NBEA: variants seen among roughly 807,000 people sequenced by gnomAD.
The protein encoded by NBEA is neurobeachin.
Under a neutral mutation model 343.4 loss-of-function variants are expected in NBEA, and 44 were observed. The observed-to-expected ratio is 0.13, with a 90% CI of 0.10 to 0.16. The LOEUF (loss-of-function observed/expected upper bound fraction) is 0.16. NBEA is among the 10% of genes least tolerant of loss of function. The pLI is 1.00. For missense variants in NBEA, 2,555 were observed against 3,631.3 expected, an observed-to-expected ratio of 0.70 and a Z score of 7.62; for synonymous variants, 1,175 against 1,238.7, an observed-to-expected ratio of 0.95 and a Z score of 1.08.
intron 38 of NBEA, among the ~76,000 whole-genome samples, chr13:35,363,910 G>A (rs117470871): frequency 1.3e-5 from 2 of 151,874 alleles, no homozygotes; most frequent in African/African-American, 4.8e-5. Context: ...AAAGAATCAG[G>A]AATGTTGCTG....
intron 41 of NBEA, among the ~76,000 whole-genome samples, chr13:35,510,051 A>G (rs2077217070): frequency 6.6e-6 from 1 of 152,200 alleles, no homozygotes; most frequent in African/African-American, 2.4e-5. Context: ...ATTTTTCCTT[A>G]TAGCCACTAA....
At chr13:35,424,491 G>C (rs968995932) in intron 38 of NBEA, among the ~76,000 whole-genome samples, 6 of 152,136 alleles carry the variant, frequency 3.9e-5, no homozygotes, top group Non-Finnish European at 7.3e-5. Flanking sequence ...CTATCCCAGG[G>C]ATGAAGCGCA....
At chr13:35,453,313 T>G (rs1214398033) in intron 40 of NBEA, among the ~76,000 whole-genome samples, 6 of 152,200 alleles carry the variant, frequency 3.9e-5, no homozygotes, top group African/African-American at 1.4e-4. Flanking sequence ...TTCCTAGATA[T>G]TTCTATATTA....
chr13:35,604,529 A>G (rs2082200944), intron 47 of NBEA, among the ~76,000 whole-genome samples: 1 of 151,564 alleles, frequency 6.6e-6, no homozygotes, highest in Admixed American at 6.6e-5. Context: ...CTATACATGC[A>G]TATACACCAC....
intron 41 of NBEA, among the ~76,000 whole-genome samples, chr13:35,510,037 G>A (rs75814471): frequency 0.049 from 7,410 of 152,206 alleles, 431 homozygotes; most frequent in East Asian, 0.21. Context: ...AAATTCTGAG[G>A]AAGATTTTTC....
At chr13:35,647,456 G>C (rs2084291682) in intron 51 of NBEA, among the ~76,000 whole-genome samples, 1 of 152,078 alleles carries the variant, frequency 6.6e-6, no homozygotes, top group Non-Finnish European at 1.5e-5. Context: ...AATTTTTATT[G>C]AGCCCCTTCT....
At chr13:35,519,352 A>G (rs887205097) in intron 41 of NBEA, among the ~76,000 whole-genome samples, 1 of 152,174 alleles carries the variant, frequency 6.6e-6, no homozygotes, top group Non-Finnish European at 1.5e-5. Flanking sequence ...CATCTATTAG[A>G]TGATTCTAAT....
At chr13:35,469,126 T>G (rs2152956852) in intron 40 of NBEA, among the ~76,000 whole-genome samples, 1 of 148,958 alleles carries the variant, frequency 6.7e-6, no homozygotes, top group African/African-American at 2.5e-5. Context: ...AAAAAGAATT[T>G]TGTAAAGTTT....
At chr13:35,419,234 A>G (rs1808108726) in intron 38 of NBEA, among the ~76,000 whole-genome samples, 1 of 152,050 alleles carries the variant, frequency 6.6e-6, no homozygotes, top group South Asian at 2.1e-4. Flanking sequence ...TTGCAGTTCT[A>G]GAAGTGAGAA....
rs527544876 is a variant in NBEA, at chr13:35,605,199, G to A, written c.7297-1227G>A. Among the ~76,000 whole-genome samples, 6 of 152,266 alleles carry A rather than the reference G, an allele frequency of 3.9e-5. No homozygotes were observed. The South Asian group carries it at 1.0e-3, about 26-fold the overall frequency. On this transcript the variant is annotated intron_variant, in intron 47 of 58. Transcript: ENST00000379939. ...CCAGAAAAATCATTTATATGGACCT[G>A]TTGATGCACCCATAATGCTGGAGAA...
chr13:35,505,825 T>C (rs948403167), intron 41 of NBEA, among the ~76,000 whole-genome samples: 1 of 152,178 alleles, frequency 6.6e-6, no homozygotes, highest in African/African-American at 2.4e-5. Flanking sequence ...TGATTTTAAA[T>C]TAATTAGATT....
chr13:35,211,497 T>TG (rs890919976), intron 33 of NBEA, among the ~76,000 whole-genome samples: 4 of 152,054 alleles, frequency 2.6e-5, no homozygotes, highest in Admixed American at 6.6e-5. Flanking sequence ...TGGGCATCTT[T>TG]GGGGGGTGAT....
chr13:35,227,398 T>C (rs1431851666), intron 33 of NBEA, among the ~76,000 whole-genome samples: 1 of 152,096 alleles, frequency 6.6e-6, no homozygotes, highest in African/African-American at 2.4e-5. Flanking sequence ...TATTCTATCA[T>C]TAATACTCTC....
chr13:35,641,768 TCTA>T (rs2083963129), intron 49 of NBEA, among the ~76,000 whole-genome samples: 1 of 151,982 alleles, frequency 6.6e-6, no homozygotes. Context: ...TATGGAACCT[TCTA>T]GTTCCATTCC....
intron 41 of NBEA, among the ~76,000 whole-genome samples, chr13:35,546,459 A>C (rs1594937610): frequency 6.7e-6 from 1 of 148,764 alleles, no homozygotes; most frequent in East Asian, 2.0e-4. Flanking sequence ...ATGAGACTCC[A>C]TCTCAAAAAA....
intron 30 of NBEA, chr13:35,186,684 C>T (rs986952080): frequency 1.3e-5 from 2 of 152,118 alleles, no homozygotes; most frequent in Non-Finnish European, 2.9e-5. Context: ...TTGTCAACAT[C>T]ATAAACTTTA....
intron 38 of NBEA, among the ~76,000 whole-genome samples, chr13:35,409,506 T>C (rs2043464495): frequency 6.6e-6 from 1 of 152,084 alleles, no homozygotes; most frequent in South Asian, 2.1e-4. Context: ...TAAAAAAAAC[T>C]ACTGTGTAAC....
chr13:34,989,534 A>G (rs572800533), intron 1 of NBEA, among the ~76,000 whole-genome samples: 12 of 150,940 alleles, frequency 8.0e-5, no homozygotes, highest in Admixed American at 5.3e-4. Flanking sequence ...CACTGTCATG[A>G]GAACCGCAAA....
chr13:35,448,926 G>A (rs911659239), intron 39 of NBEA, among the ~76,000 whole-genome samples: 5 of 152,176 alleles, frequency 3.3e-5, no homozygotes, highest in Admixed American at 2.0e-4. Flanking sequence ...GTGCAGTAGG[G>A]TTTGTTAGGA....
Sources: gnomAD v4.1 joint callset for allele counts (sites outside exome capture counted in the v4.1 genomes callset) on GRCh38, gnomAD v4.1.1 for gene constraint, MANE v1.5 for transcripts, NCBI Gene and HGNC (gene_info 2026-07-23, HGNC 2026-07-21) for gene names.